PCDH15: variants seen among roughly 807,000 people sequenced by gnomAD.
PCDH15 encodes the protein protocadherin-15.
Under a neutral mutation model 178.5 loss-of-function variants are expected in PCDH15, and 129 were observed. The ratio of observed to expected loss-of-function variants is 0.72; its 90% CI spans 0.63 to 0.84. The LOEUF (loss-of-function observed/expected upper bound fraction) is 0.84. PCDH15 is among the 40% of genes least tolerant of loss of function. The pLI is 0.00. For missense variants in PCDH15, 2,230 were observed against 2,099.9 expected, an observed-to-expected ratio of 1.06 and a Z score of -1.21; for synonymous variants, 800 against 732.0, an observed-to-expected ratio of 1.09 and a Z score of -1.50.
Position 54,646,899 on chromosome 10 carries a change from T to C in PCDH15, c.91+17273A>G, listed in dbSNP as rs138073171. Among the ~76,000 whole-genome samples, 487 of 152,172 alleles carry C rather than the reference T, an allele frequency of 3.2e-3. 3 individuals are homozygous for C. Among genetic ancestry groups the C allele is most frequent in the Middle Eastern group, 0.014 (4 of 294 alleles). On this transcript the variant is annotated intron_variant, in intron 2 of 37. Coordinates refer to ENST00000644397, the MANE Select transcript of PCDH15 (RefSeq NM_001384140.1). Reference sequence around the variant, plus strand: ...TCCTATACATGATGGGAATACAATATGGTGCAGCTGCTATGGAAAACTGAA... The same window carrying C: ...TCCTATACATGATGGGAATACAATACGGTGCAGCTGCTATGGAAAACTGAA...
At chr10:55,354,732 T>G (rs1252007329) in intron 2 of PCDH15, among the ~76,000 whole-genome samples, 2 of 152,040 alleles carry the variant, frequency 1.3e-5, no homozygotes, top group Admixed American at 6.6e-5. Context: ...GGTTGGTGAT[T>G]TTGTTTAATT....
intron 1 of PCDH15, among the ~76,000 whole-genome samples, chr10:54,695,212 T>TAAACA (rs748598572): frequency 1.4e-4 from 22 of 152,090 alleles, no homozygotes; most frequent in Non-Finnish European, 2.2e-4. Flanking sequence ...ACTTAAAGTA[T>TAAACA]AAACAAAACA....
chr10:54,314,166 C>T (rs1363012383), intron 8 of PCDH15, among the ~76,000 whole-genome samples: 1 of 149,242 alleles, frequency 6.7e-6, no homozygotes, highest in African/African-American at 2.5e-5. Flanking sequence ...CACACACACG[C>T]AATACAGAGT....
rs763797356 is a variant in PCDH15 at position 54,089,983 on chromosome 10, C to A, written c.1997+1G>T. On this transcript the variant is annotated splice_donor_variant, in intron 16 of 37. Coordinates refer to ENST00000644397, the MANE Select transcript of PCDH15 (RefSeq NM_001384140.1). LOFTEE classifies it high-confidence loss of function. The stretch of plus-strand genomic sequence containing the variant: ...AAAGTAGGAAATCATTTTTAACTTA[C>A]GTTTCTGAAAGATTAAAAACTCTCT... 6.2e-7 allele frequency: 1 copy of A among 1,601,906 alleles called. No homozygotes were observed. Among genetic ancestry groups the A allele is most frequent in the Non-Finnish European group, 8.6e-7 (1 of 1,169,346 alleles).
intron 8 of PCDH15, among the ~76,000 whole-genome samples, chr10:54,259,084 A>G (rs2057126044): frequency 6.6e-6 from 1 of 151,218 alleles, no homozygotes; most frequent in African/African-American, 2.5e-5. Context: ...AAATTTGAGG[A>G]GATAGTGACC....
rs182256604 is a variant in PCDH15, at chr10:54,825,007, A to G, written c.-29+72443T>C. On this transcript the variant is annotated intron_variant, in intron 3 of 5. Coordinates refer to the PCDH15 transcript ENST00000458638. ...CATTTAGCATTAGGTATATCTCCCA[A>G]TGCTATCCCTCCCCCCTCCTCCCAC... Among the ~76,000 whole-genome samples the G allele has an allele frequency of 5.9e-3, 904 of 152,044 alleles. 8 individuals carry two copies. Among genetic ancestry groups the G allele is most frequent in the African/African-American group, 0.02 (837 of 41,466 alleles).
At chr10:54,101,974 CA>C (rs2094820854) in intron 15 of PCDH15, among the ~76,000 whole-genome samples, 1 of 151,654 alleles carries the variant, frequency 6.6e-6, no homozygotes, top group African/African-American at 2.4e-5. Flanking sequence ...GACCTTGTCT[CA>C]AAATAATATT....
intron 2 of PCDH15, among the ~76,000 whole-genome samples, chr10:55,030,964 A>T (rs1165984706): frequency 6.6e-6 from 1 of 151,680 alleles, no homozygotes; most frequent in Non-Finnish European, 1.5e-5. Flanking sequence ...GAATTAGAAA[A>T]AAACTATAAA....
Position 54,122,328 on chromosome 10 carries a change from T to TA in PCDH15, c.1917+10546dup, listed in dbSNP as rs1277766098. Reference sequence around the variant, plus strand: ...AACATAATTCAACATCCCTTCATGGTAAAATCCCTCAAGAAACTAGGCATC... The same window carrying TA: ...AACATAATTCAACATCCCTTCATGGTAAAAATCCCTCAAGAAACTAGGCATC... On this transcript the variant is annotated intron_variant, in intron 15 of 37. Coordinates refer to ENST00000644397, the MANE Select transcript of PCDH15 (RefSeq NM_001384140.1). Among the ~76,000 whole-genome samples the TA allele has an allele frequency of 4.6e-5, 7 of 152,086 alleles. No individual in the cohort carries two copies. In the East Asian group the frequency reaches 1.4e-3, roughly 30 times the overall value.
chr10:54,399,719 T>C (rs1247659787), intron 3 of PCDH15, among the ~76,000 whole-genome samples: 2 of 151,982 alleles, frequency 1.3e-5, no homozygotes, highest in Non-Finnish European at 2.9e-5. Context: ...AGAATCACCA[T>C]GAGGAATGAG....
At chr10:54,577,379 A>T (rs2090593863) in intron 2 of PCDH15, among the ~76,000 whole-genome samples, 1 of 151,838 alleles carries the variant, frequency 6.6e-6, no homozygotes, top group Non-Finnish European at 1.5e-5. Context: ...GGCGTGAGCC[A>T]CCGCTCCCGG....
chr10:54,575,842 C>T (rs988868598), intron 2 of PCDH15, among the ~76,000 whole-genome samples: 1 of 152,074 alleles, frequency 6.6e-6, no homozygotes, highest in Admixed American at 6.6e-5. Context: ...GAAGGCTAGC[C>T]CTGAAGCAGT....
chr10:55,159,722 T>C (rs1273056544), intron 2 of PCDH15, among the ~76,000 whole-genome samples: 1 of 147,742 alleles, frequency 6.8e-6, no homozygotes, highest in African/African-American at 2.5e-5. Context: ...TATATAGATA[T>C]TGTATATTAT....
At chr10:55,024,395 C>G (rs1415595373) in intron 2 of PCDH15, among the ~76,000 whole-genome samples, 3 of 147,168 alleles carry the variant, frequency 2.0e-5, no homozygotes, top group Non-Finnish European at 4.5e-5. Flanking sequence ...AGATATACAT[C>G]TGAATCAGAT....
intron 2 of PCDH15, among the ~76,000 whole-genome samples, chr10:54,629,956 T>G (rs967635403): frequency 1.3e-5 from 2 of 152,070 alleles, no homozygotes; most frequent in African/African-American, 4.8e-5. Flanking sequence ...AATGTTCAAG[T>G]TGGGAGCCAA....
chr10:53,899,588 A>T (rs1246824539), intron 26 of PCDH15, among the ~76,000 whole-genome samples: 2 of 152,180 alleles, frequency 1.3e-5, no homozygotes, highest in Non-Finnish European at 2.9e-5. Flanking sequence ...TGGACCAAAA[A>T]AAATTAACTT....
At chr10:55,625,721 T>A (rs1837512494) in intron 2 of PCDH15, among the ~76,000 whole-genome samples, 2 of 152,172 alleles carry the variant, frequency 1.3e-5, no homozygotes, top group Admixed American at 1.3e-4. Flanking sequence ...AACCTGCTCA[T>A]GCAGATTTAA....
At chr10:54,667,685 C>A (rs886699356) in intron 1 of PCDH15, among the ~76,000 whole-genome samples, 3 of 152,006 alleles carry the variant, frequency 2.0e-5, no homozygotes, top group Admixed American at 6.6e-5. Context: ...TTTCCATGTT[C>A]CCCGAGTATA....
At chr10:54,491,502 G>T (rs1180676658) in intron 3 of PCDH15, among the ~76,000 whole-genome samples, 1 of 152,006 alleles carries the variant, frequency 6.6e-6, no homozygotes, top group East Asian at 1.9e-4. Flanking sequence ...CCCAGGTTAG[G>T]TTTATAGAGT....
Sources: allele counts gnomAD v4.1 joint callset (sites outside exome capture counted in the v4.1 genomes callset), GRCh38; gene constraint gnomAD v4.1.1; transcripts MANE v1.5; gene names NCBI Gene and HGNC (gene_info 2026-07-23, HGNC 2026-07-21).